Variants in DNAH12 observed in about 807,000 individuals in gnomAD.
The protein encoded by DNAH12 is axonemal beta dynein heavy chain 12.
DNAH12 carries 285 observed loss-of-function variants against 371.5 expected under a neutral mutation model. That is an observed-to-expected ratio of 0.77 (90% CI 0.70 to 0.85). The LOEUF is 0.85. DNAH12 is among the 40% of genes least tolerant of loss of function. The pLI, the probability that DNAH12 is intolerant of heterozygous loss-of-function variation, is 0.00. For synonymous variants in DNAH12, 1,200 were observed against 1,213.0 expected (o/e 0.99, Z 0.22); for missense variants, 3,611 against 3,689.4 (o/e 0.98, Z 0.55).
chr3:57,325,130 C>A (rs2061907536), intron 62 of DNAH12, among the ~76,000 whole-genome samples: 1 of 152,254 alleles, frequency 6.6e-6, no homozygotes. Flanking sequence ...GTAGGCTCCA[C>A]CTCTGGGGGC....
chr3:57,434,437 G>A (rs1407967343), intron 30 of DNAH12, among the ~76,000 whole-genome samples: 2 of 152,128 alleles, frequency 1.3e-5, no homozygotes, highest in African/African-American at 4.8e-5. Flanking sequence ...ATGACGAGCA[G>A]GGCTGCCCTG....
At chr3:57,391,734 G>A (rs1247276541) in intron 45 of DNAH12, 138 bp downstream of exon 45, 2 of 152,156 alleles carry the variant, frequency 1.3e-5, no homozygotes, top group Non-Finnish European at 2.9e-5. Flanking sequence ...AGTCTCTGGT[G>A]CTGAACATTA....
intron 39 of DNAH12, among the ~76,000 whole-genome samples, chr3:57,410,444 T>A (rs147729826): frequency 1.3e-5 from 2 of 152,200 alleles, no homozygotes; most frequent in South Asian, 4.1e-4. Flanking sequence ...ACTGTTCCAC[T>A]GACTGGCTGT....
intron 13 of DNAH12, among the ~76,000 whole-genome samples, chr3:57,480,782 T>G (rs2066712576): frequency 6.6e-6 from 1 of 152,152 alleles, no homozygotes; most frequent in Admixed American, 6.6e-5. Flanking sequence ...AATCAATAAA[T>G]GTCATCCAGC....
chr3:57,381,384 A>C (rs2063387914), intron 50 of DNAH12, among the ~76,000 whole-genome samples: 1 of 152,186 alleles, frequency 6.6e-6, no homozygotes, highest in Non-Finnish European at 1.5e-5. Context: ...CAGGTATTAG[A>C]AAAACCTGAA....
intron 37 of DNAH12, among the ~76,000 whole-genome samples, chr3:57,416,429 T>G (rs1455024462): frequency 6.6e-6 from 1 of 152,144 alleles, no homozygotes; most frequent in Non-Finnish European, 1.5e-5. Context: ...ATTATTTGAA[T>G]AGATGTAATA....
At chr3:57,473,897 C>G (rs1273539017) in intron 13 of DNAH12, among the ~76,000 whole-genome samples, 1 of 152,166 alleles carries the variant, frequency 6.6e-6, no homozygotes, top group East Asian at 1.9e-4. Flanking sequence ...TGCAAAAAAG[C>G]ATGTAGTGAA....
intron 13 of DNAH12, among the ~76,000 whole-genome samples, chr3:57,475,480 A>C (rs2066495086): frequency 6.6e-6 from 1 of 152,206 alleles, no homozygotes; most frequent in East Asian, 1.9e-4. Context: ...GTGAATAAAA[A>C]GATACCTAAT....
In DNAH12 at chr3:57,352,158, A is replaced by G; in HGVS notation, c.9601T>C (p.Cys3201Arg). The change falls in exon 60 of 74, where the codon TGT (cysteine) becomes CGT (arginine). Residue 3201 changes from cysteine (C) to arginine (R), a missense_variant. Cys to Arg is a radical substitution (Grantham distance 180). Transcript: ENST00000495027. ...TCAAATAGTGATCGGCATATATTAC[A>G]ATATAAGTTGTATGTGAAGTGGTCA... is the stretch of plus-strand genomic sequence containing the variant. The part of the protein sequence containing the change: ...LNDHFTYNLY[C>R]NICRSLFEKD... 6.5e-7 allele frequency: 1 copy of G among 1,544,364 alleles called. No homozygotes were observed. The highest frequency in any genetic ancestry group is 8.7e-7 in the Non-Finnish European group (1 of 1,145,278).
rs930394865 is a variant in DNAH12 at position 57,501,361 on chromosome 3, G to A, written c.1295C>T (p.Thr432Ile). 1.9e-6 allele frequency: 3 copies of A among 1,596,542 alleles called. No individual in the cohort carries two copies. The highest frequency in any genetic ancestry group is 2.6e-6 in the Non-Finnish European group (3 of 1,175,270). ...LDGTAVENIE[T>I]FQTEDHTFDE... ...AAAAGTATGATCTTCTGTCTGAAAA[G>A]TCTCTATATTCTCAACTGCAGTCCC... The change falls in exon 11 of 74, where the codon ACT (threonine) becomes ATT (isoleucine). Residue 432 changes from threonine to isoleucine, a missense_variant. By Grantham distance (89) the Thr-to-Ile change is moderately conservative. Around this residue, in one of 3 missense-constraint regions of DNAH12, gnomAD observed 1,314 missense variants for 1,398.7 expected, o/e 0.94. Coordinates refer to ENST00000495027, the MANE Select transcript of DNAH12 (RefSeq NM_001366028.2).
intron 17 of DNAH12, among the ~76,000 whole-genome samples, chr3:57,468,255 G>C (rs1353096729): frequency 1.3e-5 from 2 of 152,096 alleles, no homozygotes; most frequent in Non-Finnish European, 2.9e-5. Context: ...TCTTATTCTT[G>C]AGCCTAGGAG....
At chr3:57,474,623 T>G (rs1380510479) in intron 13 of DNAH12, among the ~76,000 whole-genome samples, 1 of 152,020 alleles carries the variant, frequency 6.6e-6, no homozygotes, top group African/African-American at 2.4e-5. Context: ...AATAGAAAAT[T>G]TTAAAAGAAA....
chr3:57,552,874 T>G, the DNAH12 span, among the ~76,000 whole-genome samples: 3 of 151,038 alleles, frequency 2.0e-5, no homozygotes, highest in African/African-American at 7.3e-5. Context: ...AATGAGACCC[T>G]GTCTTAAAAA....
At chr3:57,509,879 AAAAAAAAAAAAG>A (rs936361823) in intron 5 of DNAH12, among the ~76,000 whole-genome samples, 3 of 150,128 alleles carry the variant, frequency 2.0e-5, no homozygotes, top group African/African-American at 7.3e-5. Flanking sequence ...AAAAAAAAAA[AAAAAAAAAAAAG>A]AAAGCAATTA....
At chr3:57,480,341 G>A (rs1049193885) in intron 13 of DNAH12, among the ~76,000 whole-genome samples, 2 of 152,030 alleles carry the variant, frequency 1.3e-5, no homozygotes, top group Admixed American at 6.6e-5. Flanking sequence ...TAAATTCCTC[G>A]ACACATACAC....
chr3:57,372,373 G>A (rs1173180001), intron 55 of DNAH12, among the ~76,000 whole-genome samples: 2 of 151,956 alleles, frequency 1.3e-5, no homozygotes, highest in South Asian at 2.1e-4. Context: ...TCAGGCAGAA[G>A]AAATGTGAAA....
chr3:57,350,641 C>G (rs2062650937), intron 60 of DNAH12, among the ~76,000 whole-genome samples: 1 of 152,004 alleles, frequency 6.6e-6, no homozygotes. Context: ...AAAGCAAGAA[C>G]CATAAATCAG....
At chr3:57,393,672 GAA>G (rs2063678276) in intron 44 of DNAH12, among the ~76,000 whole-genome samples, 34 of 127,228 alleles carry the variant, frequency 2.7e-4, no homozygotes, top group Non-Finnish European at 6.6e-5. Flanking sequence ...AAAAGAAAAA[GAA>G]AAAGAAATGA....
At chr3:57,365,714 T>A (rs2063035636) in intron 57 of DNAH12, among the ~76,000 whole-genome samples, 1 of 152,134 alleles carries the variant, frequency 6.6e-6, no homozygotes, top group Non-Finnish European at 1.5e-5. Flanking sequence ...TGTATTCCTT[T>A]CCAATCTTTT....
Sources: gnomAD v4.1 joint callset for allele counts (sites outside exome capture counted in the v4.1 genomes callset) on GRCh38, gnomAD v4.1.1 for gene constraint, gnomAD v4.1.1 regional missense constraint, MANE v1.5 for transcripts, NCBI Gene and HGNC (gene_info 2026-07-23, HGNC 2026-07-21) for gene names.